Variants in MICAL2 observed in about 807,000 individuals in gnomAD.
The protein encoded by MICAL2 is [F-actin]-monooxygenase MICAL2.
A neutral mutation model predicts 127.3 loss-of-function variants in MICAL2; 77 were observed. The observed-to-expected ratio is 0.60, with a 90% CI of 0.50 to 0.73. The LOEUF is 0.73. Among genes scored for constraint, MICAL2 ranks in the 30% least tolerant of loss-of-function variants. The pLI is 0.00. For synonymous variants in MICAL2, 570 were observed against 551.1 expected, an observed-to-expected ratio of 1.03 and a Z score of -0.48; for missense variants, 1,351 against 1,434.4, an observed-to-expected ratio of 0.94 and a Z score of 0.94.
chr11:12,355,348 G>A (rs149353215), intron 34 of MICAL2, among the ~76,000 whole-genome samples: 75 of 152,252 alleles, frequency 4.9e-4, no homozygotes, highest in Admixed American at 1.0e-3. Context: ...CCCTCCCAGC[G>A]TGGGCAGGGC....
At chr11:12,176,717 G>T (rs951243194) in intron 3 of MICAL2, among the ~76,000 whole-genome samples, 1 of 152,078 alleles carries the variant, frequency 6.6e-6, no homozygotes, top group Non-Finnish European at 1.5e-5. Flanking sequence ...CATATGAGTG[G>T]AATAATATAG....
intron 30 of MICAL2, among the ~76,000 whole-genome samples, chr11:12,320,604 C>T (rs78966422): frequency 3.6e-3 from 551 of 152,200 alleles, no homozygotes; most frequent in African/African-American, 0.013. Context: ...AGAAGCAGTT[C>T]ACTGCTCTGG....
intron 1 of MICAL2, among the ~76,000 whole-genome samples, chr11:12,125,305 G>T (rs1038238407): frequency 6.6e-6 from 1 of 152,238 alleles, no homozygotes; most frequent in Non-Finnish European, 1.5e-5. Flanking sequence ...CCAGGATGGA[G>T]TGCAGTGGCG....
intron 2 of MICAL2, among the ~76,000 whole-genome samples, chr11:12,143,023 G>A (rs1053285406): frequency 6.6e-6 from 1 of 152,230 alleles, no homozygotes; most frequent in Non-Finnish European, 1.5e-5. Flanking sequence ...TTTACTCCTA[G>A]GACTTGTGGC....
intron 32 of MICAL2, among the ~76,000 whole-genome samples, chr11:12,339,617 G>A (rs1938825485): frequency 6.6e-6 from 1 of 152,280 alleles, no homozygotes; most frequent in African/African-American, 2.4e-5. Context: ...ATGTACAGAT[G>A]GGTTTTTGGT....
chr11:12,143,927 G>A (rs1365763779), intron 2 of MICAL2, among the ~76,000 whole-genome samples: 1 of 152,154 alleles, frequency 6.6e-6, no homozygotes, highest in Non-Finnish European at 1.5e-5. Context: ...AAAGAATAAT[G>A]GCGGAGAGAG....
intron 3 of MICAL2, among the ~76,000 whole-genome samples, chr11:12,200,569 C>G (rs7110203): frequency 0.02 from 3,043 of 152,354 alleles, 113 homozygotes; most frequent in African/African-American, 0.067. Flanking sequence ...AACAAGCCAT[C>G]TCTCTGGCCT....
At chr11:12,220,808 G>C (rs16910803) in intron 9 of MICAL2, among the ~76,000 whole-genome samples, 1 of 152,216 alleles carries the variant, frequency 6.6e-6, no homozygotes, top group Non-Finnish European at 1.5e-5. Context: ...TCATGTGGGC[G>C]GCCCTTTGTG....
chr11:12,211,169 C>T (rs184674171), intron 6 of MICAL2, among the ~76,000 whole-genome samples: 1 of 152,146 alleles, frequency 6.6e-6, no homozygotes, highest in African/African-American at 2.4e-5. Context: ...CACCTGAGGT[C>T]AGGAGATCGA....
At chr11:12,229,745 C>G (rs931696805) in intron 15 of MICAL2, among the ~76,000 whole-genome samples, 2 of 152,378 alleles carry the variant, frequency 1.3e-5, no homozygotes, top group African/African-American at 2.4e-5. Flanking sequence ...GGGCCTCACT[C>G]CACTTCCCTC....
intron 31 of MICAL2, chr11:12,327,101 A>G: frequency 7.5e-7 from 1 of 1,333,860 alleles, no homozygotes; most frequent in Non-Finnish European, 1.1e-6. Flanking sequence ...CTGGAAAGTA[A>G]GTGGCAGAAT....
At chr11:12,248,177 G>T (rs1205355620) in intron 21 of MICAL2, among the ~76,000 whole-genome samples, 6 of 152,194 alleles carry the variant, frequency 3.9e-5, no homozygotes, top group African/African-American at 1.4e-4. Context: ...CGCCCTCTCA[G>T]ATTGATATTC....
At chr11:12,340,503 A>G (rs1393641009) in intron 32 of MICAL2, among the ~76,000 whole-genome samples, 1 of 152,244 alleles carries the variant, frequency 6.6e-6, no homozygotes, top group African/African-American at 2.4e-5. Flanking sequence ...GAATATGTGC[A>G]TACGCTACAA....
At chr11:12,338,810 C>T (rs1365791826) in intron 32 of MICAL2, among the ~76,000 whole-genome samples, 2 of 152,230 alleles carry the variant, frequency 1.3e-5, no homozygotes, top group African/African-American at 2.4e-5. Flanking sequence ...TGTAGAGTTT[C>T]TGCGGAGAGA....
chr11:12,313,232 C>G (rs1232829573), intron 29 of MICAL2, among the ~76,000 whole-genome samples: 1 of 145,010 alleles, frequency 6.9e-6, no homozygotes, highest in South Asian at 2.3e-4. Flanking sequence ...TCTTTATGGA[C>G]AGTTTTTACA....
At chr11:12,218,152 G>A (rs1856412168) in intron 8 of MICAL2, among the ~76,000 whole-genome samples, 1 of 152,180 alleles carries the variant, frequency 6.6e-6, no homozygotes, top group African/African-American at 2.4e-5. Flanking sequence ...TTCTTTCCAT[G>A]GCTACCGAAG....
intron 13 of MICAL2, chr11:12,225,861 A>C (rs1857367666): frequency 3.1e-6 from 1 of 327,190 alleles, no homozygotes; most frequent in African/African-American, 2.1e-5. Flanking sequence ...TTAAAAAGAA[A>C]AAAAGTAAGG....
At chr11:12,212,249 A>G (rs1404964352) in intron 6 of MICAL2, among the ~76,000 whole-genome samples, 1 of 152,212 alleles carries the variant, frequency 6.6e-6, no homozygotes, top group East Asian at 1.9e-4. Flanking sequence ...AATGTAAATC[A>G]TTGAAAACAA....
At chr11:12,267,594 C>A (rs1295794698), downstream of MICAL2, among the ~76,000 whole-genome samples, 1 of 152,088 alleles carries the variant, frequency 6.6e-6, no homozygotes, top group Non-Finnish European at 1.5e-5. Flanking sequence ...AACAAAACAG[C>A]CGGATTATCC....
Sources: gnomAD v4.1 joint callset for allele counts (sites outside exome capture counted in the v4.1 genomes callset) on GRCh38, gnomAD v4.1.1 for gene constraint, MANE v1.5 for transcripts, NCBI Gene and HGNC (gene_info 2026-07-23, HGNC 2026-07-21) for gene names.